The following ZNF609 variants were observed in gnomAD, a reference collection of about 807,000 sequenced individuals.
ZNF609 encodes zinc finger protein 609.
A neutral mutation model predicts 109.5 loss-of-function variants in ZNF609; 11 were observed. That is an observed-to-expected ratio of 0.10 (90% CI 0.06 to 0.17). The LOEUF (loss-of-function observed/expected upper bound fraction) is 0.17, where lower values mean the gene tolerates loss of function less well. ZNF609 is among the 10% of genes least tolerant of loss of function. The probability of loss-of-function intolerance (pLI) is 1.00; values close to 1 mark genes in which losing one functional copy is unlikely to be tolerated. For synonymous variants in ZNF609, 646 were observed against 662.0 expected (o/e 0.98, Z 0.37); for missense variants, 1,559 against 1,772.4 (o/e 0.88, Z 2.16).
At chr15:64,527,910 C>T (rs540765375) in intron 2 of ZNF609, among the ~76,000 whole-genome samples, 1 of 152,210 alleles carries the variant, frequency 6.6e-6, no homozygotes, top group African/African-American at 2.4e-5. Context: ...ACTCTTACCC[C>T]CTTTCTTTCC....
upstream of ZNF609, among the ~76,000 whole-genome samples, chr15:64,460,296 G>A (rs1052900802): frequency 1.3e-5 from 2 of 152,144 alleles, no homozygotes; most frequent in Non-Finnish European, 2.9e-5. Flanking sequence ...TCCAGCGAGA[G>A]TTCTACTGCC....
At chr15:64,478,894 AG>A (rs1347473824) in intron 1 of ZNF609, among the ~76,000 whole-genome samples, 2 of 152,214 alleles carry the variant, frequency 1.3e-5, no homozygotes, top group African/African-American at 4.8e-5. Context: ...TTTTAAAGCC[AG>A]CAGCTGTTAA....
chr15:64,614,084 AT>A (rs1210113521), intron 2 of ZNF609, among the ~76,000 whole-genome samples: 2 of 147,238 alleles, frequency 1.4e-5, no homozygotes, highest in East Asian at 4.1e-4. Context: ...CGCCTGACTA[AT>A]TTTTTTTGTA....
At chr15:64,614,496 G>C (rs982563085) in intron 2 of ZNF609, among the ~76,000 whole-genome samples, 4 of 152,080 alleles carry the variant, frequency 2.6e-5, no homozygotes, top group Non-Finnish European at 2.9e-5. Flanking sequence ...GCCTCCCAAA[G>C]TGCTGGCATT....
intron 2 of ZNF609, among the ~76,000 whole-genome samples, chr15:64,540,119 C>CTTCT (rs1894226138): frequency 6.6e-6 from 1 of 152,186 alleles, no homozygotes; most frequent in South Asian, 2.1e-4. Context: ...CGTTGTGTAT[C>CTTCT]TTCTATATCT....
rs1282245315 is a variant in ZNF609, at chr15:64,577,836, G to A, written c.748-44991G>A. Among the ~76,000 whole-genome samples, 5 of 151,262 alleles carry A rather than the reference G, an allele frequency of 3.3e-5. No homozygotes were observed. In the East Asian group the frequency reaches 7.8e-4, roughly 23 times the overall value. The stretch of plus-strand genomic sequence containing the variant: ...ATCGCACCACTGCACTCCAGCCTGG[G>A]CAACAAGAGCGAAACTCCGTCTCAA... On this transcript the variant is annotated intron_variant, in intron 2 of 9. Coordinates refer to ENST00000326648, the MANE Select transcript of ZNF609 (RefSeq NM_015042.2).
At chr15:64,677,980 G>A in intron 5 of ZNF609, 136 bp from the exon 6 acceptor site, 1 of 1,210,894 alleles carries the variant, frequency 8.3e-7, no homozygotes, top group Non-Finnish European at 1.1e-6. Flanking sequence ...AACAAGATCA[G>A]TAGAGGCCAA....
intron 2 of ZNF609, among the ~76,000 whole-genome samples, chr15:64,591,837 A>G (rs1013355644): frequency 6.6e-6 from 1 of 151,656 alleles, no homozygotes; most frequent in Non-Finnish European, 1.5e-5. Context: ...TCAGCCTCCC[A>G]AGTAGCTGGG....
At chr15:64,514,684 G>T (rs1893781658) in intron 2 of ZNF609, among the ~76,000 whole-genome samples, 1 of 151,386 alleles carries the variant, frequency 6.6e-6, no homozygotes, top group Non-Finnish European at 1.5e-5. Context: ...GTCATCCCAG[G>T]CTAGAGTGCA....
chr15:64,588,907 G>GT (rs1286660214), intron 2 of ZNF609, among the ~76,000 whole-genome samples: 1 of 152,150 alleles, frequency 6.6e-6, no homozygotes. Context: ...GCCTTCCAAA[G>GT]TGGTGGGATT....
At chr15:64,532,242 T>A (rs1894073072) in intron 2 of ZNF609, among the ~76,000 whole-genome samples, 1 of 152,220 alleles carries the variant, frequency 6.6e-6, no homozygotes. Flanking sequence ...CAACCACCTC[T>A]GTACCCTCCT....
At chr15:64,479,283 G>GGTTTTTTTT (rs1389448753) in intron 1 of ZNF609, among the ~76,000 whole-genome samples, 3 of 64,358 alleles carry the variant, frequency 4.7e-5, no homozygotes, top group Non-Finnish European at 6.2e-5. Flanking sequence ...GTACCTGTGT[G>GGTTTTTTTT]ATTTTTTTTT....
At chr15:64,536,195 A>T (rs1488246281) in intron 2 of ZNF609, among the ~76,000 whole-genome samples, 1 of 151,622 alleles carries the variant, frequency 6.6e-6, no homozygotes, top group Non-Finnish European at 1.5e-5. Context: ...TAATTTTTTT[A>T]TTTGTTTGTG....
Position 64,674,060 on chromosome 15 carries a change from G to T in ZNF609, c.1206G>T (p.Arg402=). 6.2e-7 allele frequency: 1 copy of T among 1,614,116 alleles called. No homozygotes were observed. Among genetic ancestry groups the T allele is most frequent in the Non-Finnish European group, 8.5e-7 (1 of 1,180,020 alleles). The change falls in exon 5 of 10, where the codon CGG becomes CGT. Residue 402 remains arginine, a synonymous_variant. Transcript: ENST00000326648. ...GGACCAGTAACAGCAGCAAAACCCG[G>T]GCAGGAGCCAATAGCAAAGGCCGTC... ...SKGTSNSSKT[R]AGANSKGRRG...
At chr15:64,627,663 C>CTTTTTTTTTTTTTTTTTTT (rs35293725) in intron 3 of ZNF609, among the ~76,000 whole-genome samples, 4 of 86,016 alleles carry the variant, frequency 4.7e-5, no homozygotes, top group Non-Finnish European at 8.5e-5. Flanking sequence ...TTTTTTCTTT[C>CTTTTTTTTTTTTTTTTTTT]TTTTTTTTTT....
intron 2 of ZNF609, among the ~76,000 whole-genome samples, chr15:64,584,044 C>A (rs981451639): frequency 6.6e-6 from 1 of 152,140 alleles, no homozygotes; most frequent in African/African-American, 2.4e-5. Flanking sequence ...TTCTCTCTTG[C>A]TCTTTGTCCT....
chr15:64,626,512 C>G (rs1050877459), intron 3 of ZNF609, among the ~76,000 whole-genome samples: 8 of 152,108 alleles, frequency 5.3e-5, no homozygotes, highest in African/African-American at 1.9e-4. Context: ...GTCCAGCAAA[C>G]TACACTGTCT....
chr15:64,576,949 C>CAT lies in ZNF609; in HGVS notation c.748-45873_748-45872dup, dbSNP rs1392952573. 3.3e-4 allele frequency among the ~76,000 whole-genome samples: 17 copies of CAT among 52,222 alleles called. No homozygotes were observed. The South Asian group carries it at 5.2e-3, about 16-fold the overall frequency. The allele number at this position is 52,222 out of a possible 152,430, so 34.3% of individuals were successfully genotyped here. A position where few individuals can be genotyped will look rare whatever the true frequency, so the allele number is the denominator to read the frequency against. On this transcript the variant is annotated intron_variant, in intron 2 of 9. Coordinates refer to ENST00000326648, the MANE Select transcript of ZNF609 (RefSeq NM_015042.2). ...GTGTATATATACATATAAATATATA[C>CAT]ATATATGTATATATACACATAAATA...
In ZNF609 at chr15:64,580,955, C is replaced by CTTTTTTTT. The variant is rs57690590; in HGVS notation, c.748-41851_748-41844dup. 4.3e-4 allele frequency among the ~76,000 whole-genome samples: 25 copies of CTTTTTTTT among 58,744 alleles called. 1 individual carries two copies. The highest frequency in any genetic ancestry group is 1.9e-3 in the African/African-American group (24 of 12,806). The allele number at this position is 58,744 out of a possible 152,430, so 38.5% of individuals were successfully genotyped here. A position where few individuals can be genotyped will look rare whatever the true frequency, so the allele number is the denominator to read the frequency against. On this transcript the variant is annotated intron_variant, in intron 2 of 9. Transcript: ENST00000326648. ...TCTGTTTTCTAGTCTTCAATGTCTT[C>CTTTTTTTT]TTTTTTTTTTTTTTTTTTTTTTTTT... is the stretch of plus-strand genomic sequence containing the variant.
Sources: gnomAD v4.1 joint callset for allele counts (sites outside exome capture counted in the v4.1 genomes callset) on GRCh38, gnomAD v4.1.1 for gene constraint, MANE v1.5 for transcripts, NCBI Gene and HGNC (gene_info 2026-07-23, HGNC 2026-07-21) for gene names.